The following LPP variants were observed in gnomAD, a reference collection of about 807,000 sequenced individuals.
LPP encodes the protein lipoma-preferred partner.
In LPP, 38 loss-of-function variants were observed where a neutral mutation model predicts 60.4. The ratio of observed to expected loss-of-function variants is 0.63; its 90% CI spans 0.49 to 0.83. The LOEUF (loss-of-function observed/expected upper bound fraction) is 0.83. LPP is among the 40% of genes least tolerant of loss of function. The pLI, the probability that LPP is intolerant of heterozygous loss-of-function variation, is 0.00. For synonymous variants in LPP, 328 were observed against 290.8 expected (o/e 1.13, Z -1.30); for missense variants, 902 against 783.6 (o/e 1.15, Z -1.80).
intron 2 of LPP, among the ~76,000 whole-genome samples, chr3:188,282,120 C>G (rs1368659638): frequency 6.6e-6 from 1 of 151,344 alleles, no homozygotes; most frequent in Non-Finnish European, 1.5e-5. Context: ...TCTCTCCTTC[C>G]CTCCCTCCCT....
chr3:188,558,823 T>C (rs939359416), intron 6 of LPP, among the ~76,000 whole-genome samples: 8 of 152,104 alleles, frequency 5.3e-5, no homozygotes, highest in Admixed American at 1.3e-4. Context: ...GGCAATGATG[T>C]TACAACTTAT....
chr3:188,873,847 C>T (rs568471734), intron 11 of LPP, among the ~76,000 whole-genome samples: 7 of 152,252 alleles, frequency 4.6e-5, no homozygotes, highest in African/African-American at 1.7e-4. Context: ...GAAGTAAATA[C>T]ACCGAACCCA....
At chr3:188,235,492 C>CT (rs971453522) in intron 2 of LPP, among the ~76,000 whole-genome samples, 4 of 151,996 alleles carry the variant, frequency 2.6e-5, no homozygotes, top group Non-Finnish European at 4.4e-5. Flanking sequence ...TCCTCCCTGT[C>CT]TTAAGAGTCT....
At chr3:188,479,999 TAGG>T (rs1228774629) in intron 4 of LPP, among the ~76,000 whole-genome samples, 1 of 152,202 alleles carries the variant, frequency 6.6e-6, no homozygotes, top group Non-Finnish European at 1.5e-5. Context: ...AGCTCTGCGT[TAGG>T]TAGATGCCTT....
At chr3:188,768,552 G>A (rs1280521194) in intron 9 of LPP, among the ~76,000 whole-genome samples, 1 of 151,972 alleles carries the variant, frequency 6.6e-6, no homozygotes, top group Non-Finnish European at 1.5e-5. Context: ...CATTAAAAGG[G>A]CATTTAATAA....
intron 7 of LPP, among the ~76,000 whole-genome samples, chr3:188,706,241 GA>G (rs1046040935): frequency 1.3e-5 from 2 of 152,174 alleles, no homozygotes; most frequent in Admixed American, 6.5e-5. Flanking sequence ...AGCCCTCCCT[GA>G]TTTTTGGGGG....
intron 6 of LPP, among the ~76,000 whole-genome samples, chr3:188,550,852 T>C (rs1013671084): frequency 1.3e-5 from 2 of 152,144 alleles, no homozygotes; most frequent in Non-Finnish European, 2.9e-5. Flanking sequence ...GGTTATGTTT[T>C]AAACGATATG....
chr3:188,660,214 C>T (rs1854268429), intron 7 of LPP, among the ~76,000 whole-genome samples: 2 of 152,166 alleles, frequency 1.3e-5, no homozygotes, highest in South Asian at 4.1e-4. Flanking sequence ...GGCCACCAAT[C>T]ACAGGATTGT....
chr3:188,799,835 G>T (rs577568759), intron 9 of LPP, among the ~76,000 whole-genome samples: 7 of 152,274 alleles, frequency 4.6e-5, no homozygotes, highest in East Asian at 1.9e-4. Flanking sequence ...TTATAAAAGT[G>T]ATTTCTTTTC....
At chr3:188,452,176 C>G (rs1560423065) in intron 4 of LPP, among the ~76,000 whole-genome samples, 1 of 152,322 alleles carries the variant, frequency 6.6e-6, no homozygotes, top group East Asian at 1.9e-4. Flanking sequence ...ATTTTTAAGT[C>G]TTCCCATCAA....
intron 6 of LPP, among the ~76,000 whole-genome samples, chr3:188,602,722 AT>A: frequency 6.5e-5 from 6 of 91,918 alleles, no homozygotes; most frequent in Non-Finnish European, 4.3e-5. Flanking sequence ...GAGAAAGATT[AT>A]TTATTAAAAA....
chr3:188,179,853 C>A, intron 1 of LPP: 1 of 261,460 alleles, frequency 3.8e-6, no homozygotes. Flanking sequence ...GATAATGGCA[C>A]CTTGAGGCCT....
At chr3:188,593,690 G>A (rs1052921355) in intron 6 of LPP, among the ~76,000 whole-genome samples, 7 of 152,096 alleles carry the variant, frequency 4.6e-5, no homozygotes, top group Non-Finnish European at 7.3e-5. Context: ...GAGAACATAC[G>A]ATGTTCGGTT....
intron 6 of LPP, among the ~76,000 whole-genome samples, chr3:188,530,342 A>T (rs1166035650): frequency 2.0e-5 from 3 of 152,218 alleles, no homozygotes; most frequent in Admixed American, 6.5e-5. Context: ...TATGCAATTA[A>T]ATTACATTAG....
intron 2 of LPP, among the ~76,000 whole-genome samples, chr3:188,269,874 C>T (rs1253343724): frequency 2.6e-5 from 4 of 152,150 alleles, no homozygotes; most frequent in South Asian, 2.1e-4. Context: ...TCTTGAATTC[C>T]TGACCTCAAG....
chr3:188,555,581 T>C (rs551090962), intron 6 of LPP, among the ~76,000 whole-genome samples: 8 of 152,134 alleles, frequency 5.3e-5, no homozygotes, highest in African/African-American at 1.7e-4. Flanking sequence ...ATAAGAGTAA[T>C]AGAAGAGTCA....
At chr3:188,427,783 G>C (rs1789804660) in intron 4 of LPP, among the ~76,000 whole-genome samples, 1 of 152,130 alleles carries the variant, frequency 6.6e-6, no homozygotes, top group Admixed American at 6.5e-5. Flanking sequence ...GAGCATCCCA[G>C]GTCAACTTCA....
chr3:188,388,307 C>T (rs183481811), intron 3 of LPP, among the ~76,000 whole-genome samples: 2 of 152,300 alleles, frequency 1.3e-5, no homozygotes, highest in Admixed American at 1.3e-4. Flanking sequence ...TTCGTGCAAT[C>T]ACAGTTAGTA....
intron 1 of LPP, among the ~76,000 whole-genome samples, chr3:188,189,218 C>T (rs1036749490): frequency 1.3e-5 from 2 of 152,196 alleles, no homozygotes; most frequent in Non-Finnish European, 2.9e-5. Context: ...TCCTGAGTAG[C>T]TGAGACTACA....
Sources: allele counts gnomAD v4.1 joint callset (sites outside exome capture counted in the v4.1 genomes callset), GRCh38; gene constraint gnomAD v4.1.1; transcripts MANE v1.5; gene names NCBI Gene and HGNC (gene_info 2026-07-23, HGNC 2026-07-21).